Variants in TBX22 observed in about 807,000 individuals in gnomAD.
TBX22 encodes the protein T-box transcription factor TBX22.
In TBX22, 8 loss-of-function variants were observed where a neutral mutation model predicts 30.1. The ratio of observed to expected loss-of-function variants is 0.27; its 90% CI spans 0.16 to 0.48. The LOEUF is 0.48. Among genes scored for constraint, TBX22 ranks in the 20% least tolerant of loss-of-function variants. The pLI is 0.99. For synonymous variants in TBX22, 173 were observed against 149.1 expected, an observed-to-expected ratio of 1.16 and a Z score of -1.17; for missense variants, 463 against 400.5, an observed-to-expected ratio of 1.16 and a Z score of -1.33.
chrX:80,030,405 G>C, intron 8 of TBX22, 93 bp from the exon 9 acceptor site: 6 of 1,081,929 alleles, frequency 5.5e-6, no homozygotes, highest in Non-Finnish European at 7.7e-6. Flanking sequence ...TTAATCTAAG[G>C]ATGAAGCACA....
Position 80,024,090 on chromosome X carries a change from G to C in TBX22, c.384G>C (p.Lys128Asn), listed in dbSNP as rs773214100. Residue 128 changes from lysine to asparagine, a missense_variant, in exon 4 of 9, where the codon AAG (lysine) becomes AAC (asparagine). Transcript: ENST00000373296. The part of the protein sequence containing the change: ...GRRMFPSVRV[K>N]VKGLDPGKQY... ...GGATGTTCCCCTCTGTTCGGGTCAA[G>C]GTGAAAGGGTTGGATCCAGGGAAGC... 26 of 1,209,409 alleles carry C rather than the reference G, an allele frequency of 2.1e-5. No individual in the cohort carries two copies. The highest frequency in any genetic ancestry group is 2.7e-5 in the Non-Finnish European group (24 of 895,040).
At position 80,031,378 on chromosome X, in the gene TBX22, C is replaced by T. The variant is rs1180897332; in HGVS notation, c.*267C>T. 1.6e-5 allele frequency: 5 copies of T among 316,946 alleles called. No individual in the cohort carries two copies. Among genetic ancestry groups the T allele is most frequent in the Non-Finnish European group, 2.7e-5 (5 of 183,558 alleles). The allele number at this position is 316,946 out of a possible 1,213,427, so 26.1% of individuals were successfully genotyped here. A position where few individuals can be genotyped will look rare whatever the true frequency, so the allele number is the denominator to read the frequency against. On this transcript the variant is annotated 3_prime_UTR_variant, in exon 9 of 9. Coordinates refer to ENST00000373296, the MANE Select transcript of TBX22 (RefSeq NM_001109878.2). ...CAATAAATATTATTTGATGATACTC[C>T]ACCAGTGAAAATTGATGCTAAGTGA...
intron 1 of TBX22, among the ~76,000 whole-genome samples, chrX:80,016,015 T>G (rs1478535726): frequency 9.0e-6 from 1 of 111,507 alleles, no homozygotes; most frequent in Non-Finnish European, 1.9e-5. Flanking sequence ...ACAGGCAGTA[T>G]AGGTGTTTGC....
intron 1 of TBX22, among the ~76,000 whole-genome samples, chrX:80,020,885 A>G (rs1422250751): frequency 6.2e-5 from 7 of 112,091 alleles, no homozygotes; most frequent in Admixed American, 4.7e-4. Flanking sequence ...AGAGGAGAAT[A>G]ATATAATTTT....
Position 80,030,578 on chromosome X carries a change from T to C in TBX22, c.1030T>C (p.Phe344Leu), listed in dbSNP as rs1407487643. ...PLNSLLSPLCFSPMFHLPTSS... is the reference protein window; with the variant it reads ...PLNSLLSPLCLSPMFHLPTSS... ...GAACTCCTTACTTTCTCCACTTTGC[T>C]TTTCACCTATGTTTCATTTACCTAC... The change falls in exon 9 of 9, where the codon TTT becomes CTT. Residue 344 changes from phenylalanine to leucine, a missense_variant. By Grantham distance (22) the Phe-to-Leu change is conservative. Transcript: ENST00000373296. 1.7e-6 allele frequency: 2 copies of C among 1,209,959 alleles called. No individual in the cohort carries two copies. The highest frequency in any genetic ancestry group is 3.5e-5 in the African/African-American group (2 of 57,188).
At chrX:80,018,561 C>T (rs1291711925) in intron 1 of TBX22, among the ~76,000 whole-genome samples, 1 of 111,857 alleles carries the variant, frequency 8.9e-6, no homozygotes, top group East Asian at 2.8e-4. Context: ...GAGTGTTTCG[C>T]CTCAAAGAAT....
chrX:80,019,702 T>C (rs757441239), intron 1 of TBX22, among the ~76,000 whole-genome samples: 18 of 111,507 alleles, frequency 1.6e-4, no homozygotes, highest in African/African-American at 4.9e-4. Context: ...AGTTATGAGA[T>C]AATGCAATAT....
At chrX:80,027,656 C>T (rs1424448162) in intron 7 of TBX22, among the ~76,000 whole-genome samples, 1 of 112,075 alleles carries the variant, frequency 8.9e-6, no homozygotes, top group Non-Finnish European at 1.9e-5. Context: ...GGATTACAGG[C>T]GTGAGCCACT....
Position 80,025,699 on chromosome X carries a change from G to A in TBX22, c.555G>A (p.Ser185=), listed in dbSNP as rs753232034. 36 of 1,208,945 alleles carry A rather than the reference G, an allele frequency of 3.0e-5. No homozygotes were observed. The highest frequency in any genetic ancestry group is 3.6e-5 in the Non-Finnish European group (32 of 894,514). Reference sequence around the variant, plus strand: ...ATGTTCACCCGGACTCACCCTGCTCGGGAGAGACCTGGATGCGGCAGATCA... The same window carrying A: ...ATGTTCACCCGGACTCACCCTGCTCAGGAGAGACCTGGATGCGGCAGATCA... The part of the protein sequence containing the change: ...RFYVHPDSPC[S]GETWMRQIIS... Residue 185 remains serine (S), a synonymous_variant, in exon 5 of 9, where the codon TCG becomes TCA. Coordinates refer to ENST00000373296, the MANE Select transcript of TBX22 (RefSeq NM_001109878.2).
At chrX:80,015,155 G>A (rs1008181729) in intron 1 of TBX22, among the ~76,000 whole-genome samples, 3 of 112,039 alleles carry the variant, frequency 2.7e-5, no homozygotes, top group Non-Finnish European at 5.6e-5. Context: ...TCTGTTAAGA[G>A]TATGCTGTAA....
intron 7 of TBX22, among the ~76,000 whole-genome samples, chrX:80,027,657 G>A (rs1171493826): frequency 1.8e-5 from 2 of 112,096 alleles, no homozygotes; most frequent in East Asian, 5.6e-4. Context: ...GATTACAGGC[G>A]TGAGCCACTG....
At position 80,020,136 on chromosome X, in the gene TBX22, A is replaced by G. The variant is rs185497426; in HGVS notation, c.-2-2132A>G. ...AATAAATTGAGCTAAGGTTAAAGGCAAGACAACACCTGTATTAGGAGATAC... is the reference window on the plus strand; with the variant it reads ...AATAAATTGAGCTAAGGTTAAAGGCGAGACAACACCTGTATTAGGAGATAC... On this transcript the variant is annotated intron_variant, in intron 1 of 8. Transcript: ENST00000373296. Among the ~76,000 whole-genome samples the G allele has an allele frequency of 4.5e-5, 5 of 112,144 alleles. No homozygotes were observed. In the East Asian group the frequency reaches 1.4e-3, roughly 31 times the overall value.
chrX:80,022,587 C>T (rs1042244921), intron 2 of TBX22, 143 bp downstream of exon 2: 2 of 591,674 alleles, frequency 3.4e-6, no homozygotes, highest in Non-Finnish European at 5.6e-6. Flanking sequence ...GAAGTTTCAG[C>T]GCCTCCGAAT....
chrX:80,023,159 T>C lies in TBX22; in HGVS notation c.275T>C (p.Ile92Thr), dbSNP rs774586316. ...TCTGAAAGTCTGGAAGAGAAAGATA[T>C]TCAAATGGAGCTTCAAGGATCTGAA... ...NSSESLEEKDIQMELQGSELW... is the reference protein window; with the variant it reads ...NSSESLEEKDTQMELQGSELW... Residue 92 changes from isoleucine to threonine, a missense_variant, in exon 3 of 9, where the codon ATT (isoleucine) becomes ACT (threonine). By Grantham distance (89) the Ile-to-Thr change is moderately conservative. Transcript: ENST00000373296. 1.7e-6 allele frequency: 2 copies of C among 1,211,589 alleles called. No homozygotes were observed. Among genetic ancestry groups the C allele is most frequent in the Non-Finnish European group, 1.1e-6 (1 of 895,289 alleles).
At chrX:80,022,235 C>T (rs1321995279) in intron 1 of TBX22, 33 bp from the exon 2 acceptor site, 2 of 1,206,539 alleles carry the variant, frequency 1.7e-6, no homozygotes. Flanking sequence ...CAGGTTGAAA[C>T]TTTGCTGCAA....
At position 80,031,292 on chromosome X, in the gene TBX22, G is replaced by A; in HGVS notation, c.*181G>A. The A allele has an allele frequency of 2.1e-6, 1 of 466,412 alleles. No homozygotes were observed. Among genetic ancestry groups the A allele is most frequent in the Admixed American group, 4.1e-5 (1 of 24,173 alleles). 38.4% of individuals were successfully genotyped at this position (466,412 alleles called of 1,213,427 possible). A position where few individuals can be genotyped will look rare whatever the true frequency, so the allele number is the denominator to read the frequency against. ...ATATTCATGAAGAGTTGTTTATAAT[G>A]TCAAATGAAACCTACAGGAATCTCT... On this transcript the variant is annotated 3_prime_UTR_variant, in exon 9 of 9. Coordinates refer to ENST00000373296, the MANE Select transcript of TBX22 (RefSeq NM_001109878.2).
rs750415957 is a variant in TBX22 at position 80,022,273 on chromosome X, G to T, written c.4G>T (p.Ala2Ser). Residue 2 changes from alanine to serine, a missense_variant, in exon 2 of 9, where the codon GCT becomes TCT. Physicochemically the swap from Ala to Ser is moderately conservative, Grantham distance 99. Transcript: ENST00000373296. M[A>S]LSSRARAFSV... The stretch of plus-strand genomic sequence containing the variant: ...AATCCCTTCACCCCCTCCAGGGATG[G>T]CTCTGAGCTCTCGGGCGCGTGCCTT... 1.7e-6 allele frequency: 2 copies of T among 1,208,793 alleles called. No individual in the cohort carries two copies. Among genetic ancestry groups the T allele is most frequent in the African/African-American group, 3.5e-5 (2 of 56,845 alleles).
intron 1 of TBX22, among the ~76,000 whole-genome samples, chrX:80,017,255 G>T (rs1378971776): frequency 3.9e-5 from 4 of 103,767 alleles, no homozygotes; most frequent in African/African-American, 1.4e-4. Flanking sequence ...AAAGGAATAG[G>T]TTTGACACTA....
chrX:80,024,771 C>A (rs1362234085), intron 4 of TBX22, among the ~76,000 whole-genome samples: 1 of 111,781 alleles, frequency 8.9e-6, no homozygotes, highest in Non-Finnish European at 1.9e-5. Context: ...CTACAGCAGG[C>A]TGAAAGTGGC....
Sources: gnomAD v4.1 joint callset for allele counts (sites outside exome capture counted in the v4.1 genomes callset) on GRCh38, gnomAD v4.1.1 for gene constraint, MANE v1.5 for transcripts, NCBI Gene and HGNC (gene_info 2026-07-23, HGNC 2026-07-21) for gene names.